EML6: variants seen among roughly 807,000 people sequenced by gnomAD.
The protein encoded by EML6 is echinoderm microtubule-associated protein-like 6.
In EML6, 154 loss-of-function variants were observed where a neutral mutation model predicts 240.1. The ratio of observed to expected loss-of-function variants is 0.64; its 90% CI spans 0.56 to 0.73. The LOEUF (loss-of-function observed/expected upper bound fraction) is 0.73, where lower values mean the gene tolerates loss of function less well. Among genes scored for constraint, EML6 ranks in the 30% least tolerant of loss-of-function variants. The pLI is 0.00. For synonymous variants in EML6, 1,148 were observed against 899.0 expected, an observed-to-expected ratio of 1.28 and a Z score of -4.95; for missense variants, 2,964 against 2,474.6, an observed-to-expected ratio of 1.20 and a Z score of -4.20.
At chr2:54,848,653 A>G (rs1274087389) in intron 9 of EML6, among the ~76,000 whole-genome samples, 2 of 152,128 alleles carry the variant, frequency 1.3e-5, no homozygotes, top group African/African-American at 2.4e-5. Flanking sequence ...ATTATTTGCT[A>G]TTCTTTATGT....
chr2:54,723,639 G>A (rs1682779170), upstream of EML6: 1 of 152,266 alleles, frequency 6.6e-6, no homozygotes, highest in Admixed American at 6.5e-5. Flanking sequence ...GCTGGAGGAA[G>A]AACCTGTCTC....
chr2:54,852,022 C>T (rs917339602), intron 10 of EML6, among the ~76,000 whole-genome samples: 15 of 152,178 alleles, frequency 9.9e-5, no homozygotes. Context: ...GTATTAGAAA[C>T]TCTGAGATCA....
intron 2 of EML6, among the ~76,000 whole-genome samples, chr2:54,784,381 G>C (rs979368947): frequency 1.3e-5 from 2 of 152,160 alleles, no homozygotes; most frequent in Non-Finnish European, 2.9e-5. Context: ...CCAGGTAAGA[G>C]TATAAATACT....
At chr2:54,846,864 G>A (rs980096348) in intron 8 of EML6, among the ~76,000 whole-genome samples, 5 of 150,806 alleles carry the variant, frequency 3.3e-5, no homozygotes, top group Middle Eastern at 3.4e-3. Flanking sequence ...AACAACCCTT[G>A]GTATACATAA....
At chr2:54,867,051 ACTCT>A in intron 14 of EML6, 167 bp downstream of exon 14, 1 of 487,316 alleles carries the variant, frequency 2.1e-6, no homozygotes, top group Non-Finnish European at 3.8e-6. Flanking sequence ...TTTAAGTGTG[ACTCT>A]CTATCCACTT....
At chr2:54,912,653 TGTG>T (rs1193514308) in intron 25 of EML6, among the ~76,000 whole-genome samples, 1 of 152,208 alleles carries the variant, frequency 6.6e-6, no homozygotes, top group Non-Finnish European at 1.5e-5. Context: ...CGTGAGAACA[TGTG>T]GTATTTGGTA....
intron 17 of EML6, among the ~76,000 whole-genome samples, chr2:54,885,216 G>A (rs76615923): frequency 3.3e-5 from 5 of 152,010 alleles, no homozygotes; most frequent in African/African-American, 4.8e-5. Context: ...AGGTTGAGGC[G>A]GGCGGATCAC....
intron 24 of EML6, among the ~76,000 whole-genome samples, chr2:54,907,088 A>G (rs1228445434): frequency 6.6e-6 from 1 of 152,210 alleles, no homozygotes. Context: ...CTACCCCTGA[A>G]TGAAAGCTCC....
intron 28 of EML6, among the ~76,000 whole-genome samples, chr2:54,933,605 A>G (rs1207529759): frequency 6.6e-6 from 1 of 152,024 alleles, no homozygotes. Context: ...ATGGTGGCAC[A>G]CGCCTGTAAT....
intron 12 of EML6, among the ~76,000 whole-genome samples, chr2:54,862,695 A>T (rs188039219): frequency 1.9e-4 from 29 of 152,360 alleles, no homozygotes; most frequent in African/African-American, 7.0e-4. Context: ...AGATGAATCC[A>T]AAAAGATGTA....
chr2:54,949,459 G>A (rs1040740100), intron 29 of EML6, among the ~76,000 whole-genome samples: 2 of 152,178 alleles, frequency 1.3e-5, no homozygotes, highest in Admixed American at 6.5e-5. Flanking sequence ...TGGCTGAGGG[G>A]AGTTGAGGGA....
intron 16 of EML6, among the ~76,000 whole-genome samples, chr2:54,875,955 C>G (rs1671485957): frequency 6.6e-6 from 1 of 152,250 alleles, no homozygotes; most frequent in South Asian, 2.1e-4. Context: ...TCATTGTGTT[C>G]AGTAGAAAAC....
intron 22 of EML6, 58 bp from the exon 23 acceptor site, chr2:54,902,986 T>A: frequency 1.4e-6 from 2 of 1,460,652 alleles, no homozygotes; most frequent in South Asian, 2.5e-5. Context: ...TCTTTTCATG[T>A]GGTTTGCTTG....
intron 33 of EML6, among the ~76,000 whole-genome samples, chr2:54,958,755 T>A (rs1341717493): frequency 5.3e-5 from 8 of 152,120 alleles, no homozygotes; most frequent in Non-Finnish European, 5.9e-5. Flanking sequence ...TTCTCCCTCT[T>A]GTAGAGGAGC....
intron 25 of EML6, among the ~76,000 whole-genome samples, chr2:54,915,595 T>C (rs1174570522): frequency 2.0e-5 from 3 of 152,154 alleles, no homozygotes; most frequent in Non-Finnish European, 4.4e-5. Context: ...TGTTTCCACC[T>C]CTGTGTGCCT....
At chr2:54,806,044 T>G (rs1670456138) in intron 2 of EML6, among the ~76,000 whole-genome samples, 1 of 152,190 alleles carries the variant, frequency 6.6e-6, no homozygotes, top group Admixed American at 6.5e-5. Context: ...TTAATTCCTT[T>G]TAATAAAGAC....
chr2:54,866,756 G>C lies in EML6; in HGVS notation c.1933-10G>C. The C allele has an allele frequency of 6.6e-7, 1 of 1,512,202 alleles. No individual in the cohort carries two copies. Among genetic ancestry groups the C allele is most frequent in the Non-Finnish European group, 9.0e-7 (1 of 1,112,726 alleles). The allele number at this position is 1,512,202 out of a possible 1,614,324, so 93.7% of individuals were successfully genotyped here. The stretch of plus-strand genomic sequence containing the variant: ...GGCATCTCACCCAGATGTTTCTGTT[G>C]TACTTTAAGGTTTACAAAGAAGATC... On this transcript the variant is annotated splice_polypyrimidine_tract_variant and intron_variant, in intron 13 of 41. Transcript: ENST00000356458.
At chr2:54,864,874 G>C (rs991903578) in intron 13 of EML6, among the ~76,000 whole-genome samples, 4 of 152,168 alleles carry the variant, frequency 2.6e-5, no homozygotes, top group African/African-American at 9.7e-5. Flanking sequence ...TTCAGAGTTT[G>C]AAAAATTGTG....
In EML6 at chr2:54,785,159, C is replaced by G. The variant is rs972506336; in HGVS notation, c.198-28073C>G. Among the ~76,000 whole-genome samples the G allele has an allele frequency of 6.8e-5, 10 of 147,900 alleles. No homozygotes were observed. The East Asian group carries it at 1.2e-3, about 18-fold the overall frequency. Reference sequence around the variant, plus strand: ...AGAACTTCAAGAGATTTCCACCCCCCCACACACACACTTTTTTTTTTTTTT... The same window carrying G: ...AGAACTTCAAGAGATTTCCACCCCCGCACACACACACTTTTTTTTTTTTTT... On this transcript the variant is annotated intron_variant, in intron 2 of 41. Transcript: ENST00000356458.
Sources: allele counts gnomAD v4.1 joint callset (sites outside exome capture counted in the v4.1 genomes callset), GRCh38; gene constraint gnomAD v4.1.1; transcripts MANE v1.5; gene names NCBI Gene and HGNC (gene_info 2026-07-23, HGNC 2026-07-21).